Variants in PPM1A observed in about 807,000 individuals in gnomAD.
PPM1A encodes protein phosphatase, Mg2+/Mn2+ dependent 1A, also known as protein phosphatase 1A.
A neutral mutation model predicts 35.0 loss-of-function variants in PPM1A; 7 were observed. That is an observed-to-expected ratio of 0.20 (90% CI 0.11 to 0.38). The LOEUF (loss-of-function observed/expected upper bound fraction) is 0.38. PPM1A is among the 10% of genes least tolerant of loss of function. The probability of loss-of-function intolerance (pLI) is 1.00; values close to 1 mark genes in which losing one functional copy is unlikely to be tolerated. For synonymous variants in PPM1A, 153 were observed against 167.3 expected (o/e 0.91, Z 0.66); for missense variants, 239 against 467.8 (o/e 0.51, Z 4.51).
Position 60,291,416 on chromosome 14 carries a change from G to T in PPM1A, c.1081G>T (p.Val361Phe), listed in dbSNP as rs771879145. 1.5e-5 allele frequency: 23 copies of T among 1,573,390 alleles called. 1 individual carries two copies. Among genetic ancestry groups the T allele is most frequent in the Non-Finnish European group, 2.0e-5 (23 of 1,156,240 alleles). ...ACTTAGGAGGAATGTTATTGAAGCC[G>T]TTTACAATAGACTGAATCCTTACAA... ...LASKRNVIEAVYNRLNPYKND... is the reference protein window; with the variant it reads ...LASKRNVIEAFYNRLNPYKND... Residue 361 changes from valine to phenylalanine, a missense_variant, in exon 5 of 6, where the codon GTT becomes TTT. Val to Phe is a conservative substitution (Grantham distance 50). Around this residue, in one of 2 missense-constraint regions of PPM1A, gnomAD observed 64 missense variants for 78.6 expected, o/e 0.81. Transcript: ENST00000395076.
upstream of PPM1A, among the ~76,000 whole-genome samples, chr14:60,248,254 A>G (rs1881921102): frequency 6.6e-6 from 1 of 151,990 alleles, no homozygotes; most frequent in African/African-American, 2.4e-5. Flanking sequence ...GCTCATCTCT[A>G]CCTCTTAATA....
At chr14:60,246,264 C>T (rs1881780943), upstream of PPM1A, among the ~76,000 whole-genome samples, 1 of 152,094 alleles carries the variant, frequency 6.6e-6, no homozygotes. Flanking sequence ...GGAATGTAAA[C>T]CTTTTTTTAA....
At chr14:60,263,134 C>T (rs1218785168) in intron 1 of PPM1A, among the ~76,000 whole-genome samples, 1 of 152,030 alleles carries the variant, frequency 6.6e-6, no homozygotes, top group African/African-American at 2.4e-5. Context: ...AGGAGAATTG[C>T]TTGAACCTGG....
rs1274591672 is a variant in PPM1A, at chr14:60,282,469, T to C, written c.-20-215T>C. 6.6e-6 allele frequency among the ~76,000 whole-genome samples: 1 copy of C among 152,234 alleles called. No individual in the cohort carries two copies. Among genetic ancestry groups the C allele is most frequent in the East Asian group, 1.9e-4 (1 of 5,204 alleles). ...CCCTTTATCCCAATGCTTTAGTTTT[T>C]TTCTGCCTTTTTGTCTGTTGTGATC... On this transcript the variant is annotated intron_variant, in intron 1 of 5. Coordinates refer to ENST00000395076, the MANE Select transcript of PPM1A (RefSeq NM_021003.5). This position sits in a 1 kb window ranked among gnomAD's most constrained non-coding sequence, Gnocchi z 5.1.
intron 1 of PPM1A, among the ~76,000 whole-genome samples, chr14:60,266,104 A>T (rs555258743): frequency 3.3e-5 from 5 of 152,358 alleles, no homozygotes; most frequent in Admixed American, 2.0e-4. Context: ...AAGGTAATGT[A>T]TAAAAAACAA....
intron 1 of PPM1A, among the ~76,000 whole-genome samples, chr14:60,266,595 A>G (rs1030078729): frequency 4.6e-5 from 7 of 152,330 alleles, no homozygotes; most frequent in Middle Eastern, 3.4e-3. Context: ...GGAAAAGATC[A>G]GCTTTCAGGC....
intron 1 of PPM1A, among the ~76,000 whole-genome samples, chr14:60,265,403 G>A (rs992297995): frequency 6.6e-6 from 1 of 152,190 alleles, no homozygotes; most frequent in Admixed American, 6.5e-5. Context: ...CCTACAGGAT[G>A]TGGACTTTTG....
chr14:60,253,293 A>G (rs1458294859), intron 1 of PPM1A, among the ~76,000 whole-genome samples: 6 of 152,304 alleles, frequency 3.9e-5, no homozygotes, highest in African/African-American at 1.2e-4. Context: ...TTCTAGATAC[A>G]GAAGAACGTC....
intron 1 of PPM1A, among the ~76,000 whole-genome samples, chr14:60,281,689 A>AG (rs888636781): frequency 3.9e-5 from 6 of 152,232 alleles, no homozygotes; most frequent in African/African-American, 1.4e-4. Context: ...GTAAGGGCCA[A>AG]GGTAAATTCT....
upstream of PPM1A, among the ~76,000 whole-genome samples, chr14:60,248,282 T>G (rs1202059285): frequency 2.6e-5 from 4 of 152,252 alleles, no homozygotes; most frequent in East Asian, 5.8e-4. Context: ...CTGTTATGTT[T>G]CTGATTATTC....
upstream of PPM1A, among the ~76,000 whole-genome samples, chr14:60,248,263 T>C (rs1022171742): frequency 5.3e-5 from 8 of 152,224 alleles, no homozygotes; most frequent in Non-Finnish European, 1.2e-4. Context: ...TACCTCTTAA[T>C]AGAAGCAGCT....
At chr14:60,290,985 A>T (rs1023811869) in intron 4 of PPM1A, among the ~76,000 whole-genome samples, 1 of 152,182 alleles carries the variant, frequency 6.6e-6, no homozygotes, top group African/African-American at 2.4e-5. Context: ...TAAGAAAAGT[A>T]GAAGCTTAAA....
At chr14:60,261,879 G>A (rs1332377984) in intron 1 of PPM1A, among the ~76,000 whole-genome samples, 2 of 152,182 alleles carry the variant, frequency 1.3e-5, no homozygotes, top group East Asian at 3.8e-4. Flanking sequence ...TAGGTGTAAA[G>A]TCAATAAAGT....
intron 5 of PPM1A, among the ~76,000 whole-genome samples, chr14:60,291,884 C>G (rs953886000): frequency 2.0e-5 from 3 of 151,428 alleles, no homozygotes; most frequent in African/African-American, 7.3e-5. Flanking sequence ...GTTGGAAATA[C>G]CTTTGTCAGG....
intron 1 of PPM1A, among the ~76,000 whole-genome samples, chr14:60,255,611 TG>T (rs1385179372): frequency 6.6e-6 from 1 of 152,242 alleles, no homozygotes; most frequent in African/African-American, 2.4e-5. Flanking sequence ...TTCAGATATT[TG>T]GTAAGTATTA....
Position 60,283,256 on chromosome 14 carries a change from C to A in PPM1A, c.553C>A (p.Gln185Lys). Residue 185 changes from glutamine (Q) to lysine (K), a missense_variant, in exon 2 of 6, where the codon CAG becomes AAG. Physicochemically the swap from Gln to Lys is moderately conservative, Grantham distance 53. Around this residue, in one of 2 missense-constraint regions of PPM1A, gnomAD observed 175 missense variants for 389.2 expected, o/e 0.45. Coordinates refer to ENST00000395076, the MANE Select transcript of PPM1A (RefSeq NM_021003.5). The surrounding 1 kb of genome is among the most constrained non-coding windows in gnomAD (Gnocchi z 6.3). ...IQNAGGSVMI[Q>K]RVNGSLAVSR... ...GAATGCAGGTGGCTCTGTAATGATT[C>A]AGCGTGTGAATGGCTCTCTGGCTGT... is the stretch of plus-strand genomic sequence containing the variant. The A allele has an allele frequency of 6.2e-7, 1 of 1,614,166 alleles. No individual in the cohort carries two copies. Among genetic ancestry groups the A allele is most frequent in the South Asian group, 1.1e-5 (1 of 91,062 alleles).
chr14:60,286,239 T>C (rs1470381051), intron 3 of PPM1A: 1 of 985,906 alleles, frequency 1.0e-6, no homozygotes, highest in Non-Finnish European at 1.2e-6. Context: ...TGCTTTAAAC[T>C]GTTTCAGAGC....
At position 60,295,150 on chromosome 14, in the gene PPM1A, A is replaced by G. The variant is rs1005559866; in HGVS notation, c.*2668A>G. The G allele has an allele frequency of 6.6e-6, 1 of 151,790 alleles. No homozygotes were observed. Among genetic ancestry groups the G allele is most frequent in the Non-Finnish European group, 1.5e-5 (1 of 67,762 alleles). 9.4% of individuals were successfully genotyped at this position (151,790 alleles called of 1,614,324 possible). A position where few individuals can be genotyped will look rare whatever the true frequency, so the allele number is the denominator to read the frequency against. On this transcript the variant is annotated 3_prime_UTR_variant, in exon 6 of 6. Coordinates refer to ENST00000395076, the MANE Select transcript of PPM1A (RefSeq NM_021003.5). ...ATGTGATGATAATATAGTACTCAAA[A>G]TATACTTTTATCATTTAAATGTCTT...
At chr14:60,265,315 C>G (rs1308584640) in intron 1 of PPM1A, among the ~76,000 whole-genome samples, 1 of 152,154 alleles carries the variant, frequency 6.6e-6, no homozygotes, top group Non-Finnish European at 1.5e-5. Flanking sequence ...CCTCTCCACC[C>G]TAGGTATTGG....
Sources: gnomAD v4.1 joint callset for allele counts (sites outside exome capture counted in the v4.1 genomes callset) on GRCh38, gnomAD v4.1.1 for gene constraint, gnomAD v4.1.1 regional missense constraint, Gnocchi (gnomAD v3.1) non-coding constraint, MANE v1.5 for transcripts, NCBI Gene and HGNC (gene_info 2026-07-23, HGNC 2026-07-21) for gene names.